The following PRSS8 variants were observed in gnomAD, a reference collection of about 807,000 sequenced individuals.
The protein encoded by PRSS8 is prostasin.
PRSS8 carries 11 observed loss-of-function variants against 26.7 expected under a neutral mutation model. The ratio of observed to expected loss-of-function variants is 0.41; its 90% CI spans 0.26 to 0.68. The LOEUF is 0.68. Among genes scored for constraint, PRSS8 ranks in the 30% least tolerant of loss-of-function variants. The pLI is 0.30. For synonymous variants in PRSS8, 183 were observed against 187.0 expected (o/e 0.98, Z 0.17); for missense variants, 362 against 443.5 (o/e 0.82, Z 1.65).
chr16:31,134,080 C>T (rs2057594267), intron 2 of PRSS8: 1 of 154,582 alleles, frequency 6.5e-6, no homozygotes, highest in African/African-American at 2.4e-5. Flanking sequence ...TCTGCAGTGC[C>T]TGTGGCGTCG....
At position 31,132,169 on chromosome 16, in the gene PRSS8, C is replaced by G. The variant is rs771014780; in HGVS notation, c.872G>C (p.Arg291Pro). ...IQSKVTELQP[R>P]VVPQTQESQP... ...GGACTCCTGGGTTTGGGGCACCACA[C>G]GAGGCTGGAGTTCTGTCACCTTGCT... Residue 291 changes from arginine (R) to proline (P), a missense_variant, in exon 6 of 6, where the codon CGT becomes CCT. Arg to Pro is a moderately radical substitution (Grantham distance 103). Coordinates refer to ENST00000317508, the MANE Select transcript of PRSS8 (RefSeq NM_002773.5). This position sits in a 1 kb window ranked among gnomAD's most constrained non-coding sequence, Gnocchi z 5.2. 2 of 1,613,762 alleles carry G rather than the reference C, an allele frequency of 1.2e-6. No individual in the cohort carries two copies. The highest frequency in any genetic ancestry group is 1.3e-5 in the African/African-American group (1 of 74,916).
At position 31,132,527 on chromosome 16, in the gene PRSS8, A is replaced by G. The variant is rs764613775; in HGVS notation, c.607T>C (p.Cys203Arg). 1.2e-5 allele frequency: 19 copies of G among 1,614,048 alleles called. No individual in the cohort carries two copies. Among genetic ancestry groups the G allele is most frequent in the Non-Finnish European group, 1.4e-5 (17 of 1,179,902 alleles). Residue 203 changes from cysteine to arginine, a missense_variant, in exon 5 of 6, where the codon TGC becomes CGC. Cys to Arg is a radical substitution (Grantham distance 180). Transcript: ENST00000317508. This position sits in a 1 kb window ranked among gnomAD's most constrained non-coding sequence, Gnocchi z 5.2. ...GGCTTGGCGTCGATGTTGTACAGGC[A>G]GTTACACGTCTCACGACTGATCAGA... ...VPLISRETCN[C>R]LYNIDAKPEE...
chr16:31,135,343 C>A (rs976578222), intron 1 of PRSS8, 71 bp downstream of exon 1: 20 of 1,573,218 alleles, frequency 1.3e-5, no homozygotes, highest in Non-Finnish European at 1.7e-5. Flanking sequence ...GACAAGGGCA[C>A]ACCCCAGAAA....
rs762294594 is a variant in PRSS8 at position 31,132,642 on chromosome 16, T to G, written c.538+40A>C. On this transcript the variant is annotated intron_variant, in intron 4 of 5. Coordinates refer to ENST00000317508, the MANE Select transcript of PRSS8 (RefSeq NM_002773.5). This position sits in a 1 kb window ranked among gnomAD's most constrained non-coding sequence, Gnocchi z 5.2. ...ACCCTGGGCCCCTCCCCAAGTCAGG[T>G]GCCCCTCCACACCTCTAGGCACCCA... 5.6e-6 allele frequency: 9 copies of G among 1,612,882 alleles called. No individual in the cohort carries two copies. The African/African-American group carries it at 1.2e-4, about 22-fold the overall frequency.
rs1333749850 is a variant in PRSS8 at position 31,133,548 on chromosome 16, T to C, written c.104-160A>G. 6.6e-6 allele frequency among the ~76,000 whole-genome samples: 1 copy of C among 152,102 alleles called. No individual in the cohort carries two copies. The highest frequency in any genetic ancestry group is 2.4e-5 in the African/African-American group (1 of 41,416). ...TTGTGCCCCTTCTGTCCACTACCCA[T>C]TACCTAATTCAGGTCTCATGGCAGC... On this transcript the variant is annotated intron_variant, in intron 2 of 5. Transcript: ENST00000317508. This position sits in a 1 kb window ranked among gnomAD's most constrained non-coding sequence, Gnocchi z 4.7.
At position 31,135,465 on chromosome 16, in the gene PRSS8, G is replaced by A. The variant is rs1206420135; in HGVS notation, c.34C>T (p.Leu12=). Residue 12 remains leucine, a synonymous_variant, in exon 1 of 6, where the codon CTG becomes TTG. Coordinates refer to ENST00000317508, the MANE Select transcript of PRSS8 (RefSeq NM_002773.5). ...TAGAGCAGAATGGCCACAGCCCCCA[G>A]CTGCCCAGGCCCCAGGACCCCCTTC... ...AQKGVLGPGQ[L]GAVAILLYLG... 6.3e-7 allele frequency: 1 copy of A among 1,587,710 alleles called. No individual in the cohort carries two copies. The highest frequency in any genetic ancestry group is 1.1e-5 in the South Asian group (1 of 87,226).
chr16:31,133,603 C>T lies in PRSS8; in HGVS notation c.104-215G>A, dbSNP rs912323765. Among the ~76,000 whole-genome samples, 18 of 152,288 alleles carry T rather than the reference C, an allele frequency of 1.2e-4. No homozygotes were observed. The highest frequency in any genetic ancestry group is 3.6e-4 in the African/African-American group (15 of 41,558). The stretch of plus-strand genomic sequence containing the variant: ...CTCCTTGCAAGCCTTCCATCCATCC[C>T]GCCCCTTACAAGTCTGAAGATTTTC... On this transcript the variant is annotated intron_variant, in intron 2 of 5. Coordinates refer to ENST00000317508, the MANE Select transcript of PRSS8 (RefSeq NM_002773.5). This position sits in a 1 kb window ranked among gnomAD's most constrained non-coding sequence, Gnocchi z 4.7.
chr16:31,135,385 C>T lies in PRSS8; in HGVS notation c.85+29G>A, dbSNP rs774709633. On this transcript the variant is annotated intron_variant, in intron 1 of 5. Coordinates refer to ENST00000317508, the MANE Select transcript of PRSS8 (RefSeq NM_002773.5). The stretch of plus-strand genomic sequence containing the variant: ...ACGCCGGCTCCCTCCAGTGCATTGT[C>T]CCCACCCTGCCCCCACGTCCTCACT... The T allele has an allele frequency of 1.3e-5, 20 of 1,580,110 alleles. No homozygotes were observed. The South Asian group carries it at 2.1e-4, about 16-fold the overall frequency.
Position 31,132,546 on chromosome 16 carries a change from G to C in PRSS8, c.588C>G (p.Ile196Met). The change falls in exon 5 of 6, where the codon ATC (isoleucine) becomes ATG (methionine). Residue 196 changes from isoleucine to methionine, a missense_variant. By Grantham distance (10) the Ile-to-Met change is conservative. Coordinates refer to ENST00000317508, the MANE Select transcript of PRSS8 (RefSeq NM_002773.5). The surrounding 1 kb of genome is among the most constrained non-coding windows in gnomAD (Gnocchi z 5.2). Reference protein sequence around the residue: ...KPLQQLEVPLISRETCNCLYN... With the variant: ...KPLQQLEVPLMSRETCNCLYN... ...ACAGGCAGTTACACGTCTCACGACT[G>C]ATCAGAGGCACCTCGAGTTGCTGCA... 6.2e-7 allele frequency: 1 copy of C among 1,614,058 alleles called. No individual in the cohort carries two copies. The highest frequency in any genetic ancestry group is 1.1e-5 in the South Asian group (1 of 91,084).
chr16:31,133,480 C>T lies in PRSS8; in HGVS notation c.104-92G>A. 6.7e-7 allele frequency: 1 copy of T among 1,485,938 alleles called. No individual in the cohort carries two copies. Among genetic ancestry groups the T allele is most frequent in the East Asian group, 2.4e-5 (1 of 42,256 alleles). 92.0% of individuals were successfully genotyped at this position (1,485,938 alleles called of 1,614,324 possible). On this transcript the variant is annotated intron_variant, in intron 2 of 5. Transcript: ENST00000317508. The surrounding 1 kb of genome is among the most constrained non-coding windows in gnomAD (Gnocchi z 4.7). ...TGATATAGAGCTTGGGAAGTGGGTTCACAGGAGTCAACACCCCTTTGTCCC... is the reference window on the plus strand; with the variant it reads ...TGATATAGAGCTTGGGAAGTGGGTTTACAGGAGTCAACACCCCTTTGTCCC...
chr16:31,132,026 A>G lies in PRSS8; in HGVS notation c.1015T>C (p.Trp339Arg). 6.3e-7 allele frequency: 1 copy of G among 1,582,856 alleles called. No homozygotes were observed. The highest frequency in any genetic ancestry group is 8.6e-7 in the Non-Finnish European group (1 of 1,164,508). The change falls in exon 6 of 6, where the codon TGG (tryptophan) becomes CGG (arginine). Residue 339 changes from tryptophan to arginine, a missense_variant. Trp to Arg is a moderately radical substitution (Grantham distance 101, BLOSUM62 -3). Transcript: ENST00000317508. This position sits in a 1 kb window ranked among gnomAD's most constrained non-coding sequence, Gnocchi z 5.2. ...GGGCCAGCTCAGTGCTCGCTGAGCCATGGGGAGAGGAGGCCCAGAGCCAGG... is the reference window on the plus strand; with the variant it reads ...GGGCCAGCTCAGTGCTCGCTGAGCCGTGGGGAGAGGAGGCCCAGAGCCAGG... ...LGLALGLLSP[W>R]LSEH
Position 31,132,461 on chromosome 16 carries a change from C to T in PRSS8, c.673G>A (p.Gly225Ser), listed in dbSNP as rs1250376568. 1 of 1,614,046 alleles carries T rather than the reference C, an allele frequency of 6.2e-7. No homozygotes were observed. The highest frequency in any genetic ancestry group is 8.5e-7 in the Non-Finnish European group (1 of 1,179,886). Residue 225 changes from glycine to serine, a missense_variant, in exon 5 of 6, where the codon GGC becomes AGC. Coordinates refer to ENST00000317508, the MANE Select transcript of PRSS8 (RefSeq NM_002773.5). This position sits in a 1 kb window ranked among gnomAD's most constrained non-coding sequence, Gnocchi z 5.2. ...HFVQEDMVCA[G>S]YVEGGKDACQ... ...GCGTCCTTGCCCCCCTCCACATAGCCAGCACACACCATGTCCTCTTGGACA... is the reference window on the plus strand; with the variant it reads ...GCGTCCTTGCCCCCCTCCACATAGCTAGCACACACCATGTCCTCTTGGACA...
Position 31,131,550 on chromosome 16 carries a change from C to T in PRSS8, c.*459G>A. The T allele has an allele frequency of 1.9e-6, 1 of 526,140 alleles. No individual in the cohort carries two copies. The highest frequency in any genetic ancestry group is 2.6e-5 in the South Asian group (1 of 38,148). The allele number at this position is 526,140 out of a possible 1,614,324, so 32.6% of individuals were successfully genotyped here. On this transcript the variant is annotated 3_prime_UTR_variant, in exon 6 of 6. Transcript: ENST00000317508. ...GTCCAGGAGTCAGGGCTCGGGGGCG[C>T]TCAGCGGCCAGTGGGCAAGATTGGG...
chr16:31,135,055 A>C (rs971535009), intron 2 of PRSS8, 99 bp downstream of exon 2: 27 of 1,438,646 alleles, frequency 1.9e-5, no homozygotes, highest in Non-Finnish European at 2.5e-5. Flanking sequence ...ATCTAGTTGG[A>C]AGGCAGCCCA....
In PRSS8 at chr16:31,133,683, C is replaced by T. The variant is rs902426590; in HGVS notation, c.104-295G>A. ...CCTGCTTAAACCCTTCTTGGCTCCA[C>T]GCGGTCCTTAAGATACATTCCAGAC... On this transcript the variant is annotated intron_variant, in intron 2 of 5. Coordinates refer to ENST00000317508, the MANE Select transcript of PRSS8 (RefSeq NM_002773.5). The surrounding 1 kb of genome is among the most constrained non-coding windows in gnomAD (Gnocchi z 4.7). Among the ~76,000 whole-genome samples the T allele has an allele frequency of 1.3e-5, 2 of 152,204 alleles. No homozygotes were observed. Among genetic ancestry groups the T allele is most frequent in the African/African-American group, 4.8e-5 (2 of 41,454 alleles).
rs578089968 is a variant in PRSS8 at position 31,132,669 on chromosome 16, C to T, written c.538+13G>A. The T allele has an allele frequency of 1.7e-4, 269 of 1,613,630 alleles. 3 individuals are homozygous for T. The South Asian group carries it at 2.7e-3, about 16-fold the overall frequency. The stretch of plus-strand genomic sequence containing the variant: ...CCCCTCCACACCTCTAGGCACCCAG[C>T]GTCCCACCTCACCTGAGGGGGCCAC... On this transcript the variant is annotated intron_variant, in intron 4 of 5. Coordinates refer to ENST00000317508, the MANE Select transcript of PRSS8 (RefSeq NM_002773.5). This position sits in a 1 kb window ranked among gnomAD's most constrained non-coding sequence, Gnocchi z 5.2.
chr16:31,135,458 GC>G lies in PRSS8; in HGVS notation c.40del (p.Ala14LeufsTer92). ...TCCAAGATAGAGCAGAATGGCCACA[GC>G]CCCCAGCTGCCCAGGCCCCAGGACC... ...KGVLGPGQLG[A>X]VAILLYLGLL... On this transcript the variant is annotated frameshift_variant, in exon 1 of 6. Coordinates refer to ENST00000317508, the MANE Select transcript of PRSS8 (RefSeq NM_002773.5). LOFTEE classifies it high-confidence loss of function. The G allele has an allele frequency of 1.9e-6, 3 of 1,589,112 alleles. No individual in the cohort carries two copies. Among genetic ancestry groups the G allele is most frequent in the East Asian group, 2.3e-5 (1 of 43,356 alleles).
intron 2 of PRSS8, chr16:31,134,909 G>A (rs1646974290): frequency 1.8e-6 from 1 of 558,930 alleles, no homozygotes; most frequent in East Asian, 3.0e-5. Flanking sequence ...AAACCACCTC[G>A]ATTGCCCCAC....
At position 31,135,179 on chromosome 16, in the gene PRSS8, GAA is replaced by G; in HGVS notation, c.86-10_86-9del. ...CTTCTGCCCCTTCCGCTCCTAGAAA[GAA>G]AGAGAAAGAGGAGGGGTGAGTAGGG... On this transcript the variant is annotated splice_polypyrimidine_tract_variant and intron_variant, in intron 1 of 5. Coordinates refer to ENST00000317508, the MANE Select transcript of PRSS8 (RefSeq NM_002773.5). 6.2e-7 allele frequency: 1 copy of G among 1,612,672 alleles called. No homozygotes were observed. Among genetic ancestry groups the G allele is most frequent in the Non-Finnish European group, 8.5e-7 (1 of 1,179,442 alleles).
Sources: allele counts gnomAD v4.1 joint callset (sites outside exome capture counted in the v4.1 genomes callset), GRCh38; gene constraint gnomAD v4.1.1; non-coding constraint Gnocchi (gnomAD v3.1); transcripts MANE v1.5; gene names NCBI Gene and HGNC (gene_info 2026-07-23, HGNC 2026-07-21).